DSCAML1: variants seen among roughly 807,000 people sequenced by gnomAD.
The protein encoded by DSCAML1 is DS cell adhesion molecule like 1.
Under a neutral mutation model 200.5 loss-of-function variants are expected in DSCAML1, and 38 were observed. The observed-to-expected ratio is 0.19, with a 90% CI of 0.15 to 0.25. DSCAML1 has a LOEUF of 0.25. DSCAML1 is among the 10% of genes least tolerant of loss of function. The pLI is 1.00. For missense variants in DSCAML1, 2,223 were observed against 2,858.8 expected, an observed-to-expected ratio of 0.78 and a Z score of 5.07; for synonymous variants, 1,215 against 1,165.0, an observed-to-expected ratio of 1.04 and a Z score of -0.87.
chr11:117,623,221 T>C (rs1421176745), intron 3 of DSCAML1, among the ~76,000 whole-genome samples: 9 of 142,062 alleles, frequency 6.3e-5, no homozygotes, highest in East Asian at 3.9e-4. Flanking sequence ...CTTTTCTTTT[T>C]TTTTTTTTTT....
intron 17 of DSCAML1, among the ~76,000 whole-genome samples, chr11:117,462,151 T>C (rs1196031492): frequency 6.6e-6 from 1 of 152,216 alleles, no homozygotes; most frequent in African/African-American, 2.4e-5. Flanking sequence ...CTAACCCTGG[T>C]GCAGGAGAGG....
intron 3 of DSCAML1, among the ~76,000 whole-genome samples, chr11:117,689,040 C>T (rs1302942131): frequency 6.6e-6 from 1 of 152,168 alleles, no homozygotes; most frequent in South Asian, 2.1e-4. Flanking sequence ...AGCAGCACAA[C>T]CACCATCCTC....
chr11:117,774,590 A>G (rs188287751), intron 3 of DSCAML1, among the ~76,000 whole-genome samples: 70 of 152,276 alleles, frequency 4.6e-4, no homozygotes, highest in South Asian at 1.7e-3. Flanking sequence ...CTAGGCTCTT[A>G]ATCACCACAC....
chr11:117,451,563 C>T (rs1367652053), intron 19 of DSCAML1, among the ~76,000 whole-genome samples: 2 of 152,172 alleles, frequency 1.3e-5, no homozygotes, highest in African/African-American at 4.8e-5. Flanking sequence ...GTGGCTCATG[C>T]CTGTAATCCC....
rs566861272 is a variant in DSCAML1, at chr11:117,505,623, C to T, written c.1893G>A (p.Arg631=). 8.7e-6 allele frequency: 14 copies of T among 1,614,058 alleles called. No individual in the cohort carries two copies. In the South Asian group the frequency reaches 1.5e-4, roughly 18 times the overall value. Residue 631 remains arginine, a synonymous_variant, in exon 9 of 33, where the codon AGG becomes AGA. Coordinates refer to ENST00000651296, the MANE Select transcript of DSCAML1 (RefSeq NM_020693.4). This position sits in a 1 kb window ranked among gnomAD's most constrained non-coding sequence, Gnocchi z 6.7. ...CTGAGATGATCACCTGTCCGTCCTT[C>T]CTCCAGGTGATACGGATGGGCATGT... ...SGDMPIRITW[R]KDGQVIISGS...
chr11:117,682,494 T>G (rs2053329000), intron 3 of DSCAML1, among the ~76,000 whole-genome samples: 1 of 152,206 alleles, frequency 6.6e-6, no homozygotes, highest in African/African-American at 2.4e-5. Flanking sequence ...GAGAGGTAAA[T>G]GAGGCTTTTC....
At chr11:117,736,106 T>C (rs1389052957) in intron 3 of DSCAML1, among the ~76,000 whole-genome samples, 3 of 152,188 alleles carry the variant, frequency 2.0e-5, no homozygotes, top group Non-Finnish European at 1.5e-5. Context: ...CTTAAAGTGA[T>C]GTTATAACCC....
At chr11:117,542,399 G>C (rs142218161) in intron 3 of DSCAML1, among the ~76,000 whole-genome samples, 3 of 152,170 alleles carry the variant, frequency 2.0e-5, no homozygotes, top group Non-Finnish European at 4.4e-5. Context: ...TCTGAGGAAA[G>C]AGAAGCCCTG....
At chr11:117,546,048 C>T (rs2137378968) in intron 3 of DSCAML1, among the ~76,000 whole-genome samples, 1 of 152,362 alleles carries the variant, frequency 6.6e-6, no homozygotes, top group Non-Finnish European at 1.5e-5. Flanking sequence ...GAGCCAGAAG[C>T]TTTGGCCTGC....
At chr11:117,539,897 AT>A (rs1291300300) in intron 3 of DSCAML1, among the ~76,000 whole-genome samples, 2 of 152,256 alleles carry the variant, frequency 1.3e-5, no homozygotes, top group African/African-American at 4.8e-5. Context: ...AGACAAATGG[AT>A]AAACGACATG....
intron 3 of DSCAML1, among the ~76,000 whole-genome samples, chr11:117,595,607 C>A (rs933631351): frequency 6.6e-6 from 1 of 152,184 alleles, no homozygotes; most frequent in African/African-American, 2.4e-5. Flanking sequence ...CCAGGGCCGG[C>A]CCCGCCCAAT....
intron 3 of DSCAML1, among the ~76,000 whole-genome samples, chr11:117,757,510 T>C (rs2137883049): frequency 6.6e-6 from 1 of 151,514 alleles, no homozygotes; most frequent in Non-Finnish European, 1.5e-5. Context: ...TATGTACTAA[T>C]ACAAAAGATA....
At chr11:117,781,091 G>A (rs894010324) in intron 1 of DSCAML1, among the ~76,000 whole-genome samples, 2 of 152,134 alleles carry the variant, frequency 1.3e-5, no homozygotes, top group African/African-American at 2.4e-5. Flanking sequence ...GAGGTCAGGA[G>A]TTCATGAACA....
chr11:117,660,585 T>C (rs988396358), intron 3 of DSCAML1, among the ~76,000 whole-genome samples: 3 of 152,178 alleles, frequency 2.0e-5, no homozygotes, highest in Non-Finnish European at 4.4e-5. Context: ...AATAGATCCA[T>C]GGAAACTCTG....
chr11:117,535,199 C>T (rs184314892), intron 3 of DSCAML1, among the ~76,000 whole-genome samples: 5 of 152,276 alleles, frequency 3.3e-5, no homozygotes, highest in African/African-American at 9.6e-5. Context: ...GAGGCACCCC[C>T]GTTATACTAC....
At chr11:117,717,053 A>G (rs910023375) in intron 3 of DSCAML1, among the ~76,000 whole-genome samples, 6 of 152,086 alleles carry the variant, frequency 3.9e-5, no homozygotes, top group African/African-American at 1.4e-4. Context: ...TTTGTTTGGG[A>G]GGGCGCAGGC....
chr11:117,621,637 T>C (rs964158195), intron 3 of DSCAML1, among the ~76,000 whole-genome samples: 1 of 152,224 alleles, frequency 6.6e-6, no homozygotes, highest in Non-Finnish European at 1.5e-5. Flanking sequence ...AGAATATGGC[T>C]ATATATATTT....
chr11:117,572,631 A>T (rs1264053193), intron 3 of DSCAML1, among the ~76,000 whole-genome samples: 1 of 152,172 alleles, frequency 6.6e-6, no homozygotes, highest in Non-Finnish European at 1.5e-5. Flanking sequence ...TTACAGGGGA[A>T]TTATTAGGGA....
chr11:117,506,805 G>A (rs985416958), intron 8 of DSCAML1, among the ~76,000 whole-genome samples: 9 of 151,988 alleles, frequency 5.9e-5, no homozygotes, highest in African/African-American at 1.7e-4. Context: ...CCTCAACATC[G>A]GAAAGTTCTG....
Sources: allele counts gnomAD v4.1 joint callset (sites outside exome capture counted in the v4.1 genomes callset), GRCh38; gene constraint gnomAD v4.1.1; non-coding constraint Gnocchi (gnomAD v3.1); transcripts MANE v1.5; gene names NCBI Gene and HGNC (gene_info 2026-07-23, HGNC 2026-07-21).